TNR: variants seen among roughly 807,000 people sequenced by gnomAD.
TNR encodes tenascin R.
TNR carries 45 observed loss-of-function variants against 150.4 expected under a neutral mutation model. The ratio of observed to expected loss-of-function variants is 0.30; its 90% CI spans 0.24 to 0.38. TNR has a LOEUF of 0.38. Among genes scored for constraint, TNR ranks in the 10% least tolerant of loss-of-function variants. TNR has a pLI of 1.00. For missense variants in TNR, 1,544 were observed against 1,759.1 expected, an observed-to-expected ratio of 0.88 and a Z score of 2.19; for synonymous variants, 687 against 678.4, an observed-to-expected ratio of 1.01 and a Z score of -0.20.
intron 1 of TNR, among the ~76,000 whole-genome samples, chr1:175,672,815 A>G (rs1260932692): frequency 6.6e-6 from 1 of 152,074 alleles, no homozygotes; most frequent in Admixed American, 6.6e-5. Flanking sequence ...GCTTGCATTC[A>G]TATTCCCTTT....
At chr1:175,579,448 G>C (rs560537900) in intron 1 of TNR, among the ~76,000 whole-genome samples, 1 of 152,010 alleles carries the variant, frequency 6.6e-6, no homozygotes, top group Non-Finnish European at 1.5e-5. Flanking sequence ...GGGACTGGCA[G>C]ACCAGGCAGA....
chr1:175,533,997 A>T (rs1161804118), intron 1 of TNR, among the ~76,000 whole-genome samples: 1 of 152,180 alleles, frequency 6.6e-6, no homozygotes, highest in African/African-American at 2.4e-5. Flanking sequence ...GTCAGAAGAC[A>T]TTGCTTTAAG....
chr1:175,386,484 G>C (rs1652939031), intron 7 of TNR, among the ~76,000 whole-genome samples, 183 bp from the exon 8 acceptor site: 1 of 152,168 alleles, frequency 6.6e-6, no homozygotes, highest in African/African-American at 2.4e-5. Flanking sequence ...AGGACATGTA[G>C]TTTGCCTTGA....
At chr1:175,663,330 G>A (rs926714596) in intron 1 of TNR, among the ~76,000 whole-genome samples, 3 of 152,202 alleles carry the variant, frequency 2.0e-5, no homozygotes, top group Non-Finnish European at 4.4e-5. Flanking sequence ...AGGAGTATGA[G>A]GGAGAAGAGA....
In TNR at chr1:175,541,196, C is replaced by T. The variant is rs58002756; in HGVS notation, c.-164-12827G>A. Among the ~76,000 whole-genome samples the T allele has an allele frequency of 9.8e-3, 1,497 of 152,244 alleles. 18 individuals carry two copies. Among genetic ancestry groups the T allele is most frequent in the African/African-American group, 0.033 (1,365 of 41,530 alleles). On this transcript the variant is annotated intron_variant, in intron 1 of 22. Coordinates refer to ENST00000367674, the MANE Select transcript of TNR (RefSeq NM_003285.3). ...CTCCCCTCCTTGTACCATAAACTCT[C>T]GCAATAACATTTTCCAAGTTGTGTT... is the stretch of plus-strand genomic sequence containing the variant.
At chr1:175,639,539 T>C (rs1664588544) in intron 1 of TNR, among the ~76,000 whole-genome samples, 1 of 152,178 alleles carries the variant, frequency 6.6e-6, no homozygotes, top group East Asian at 1.9e-4. Context: ...TAAATTCTTT[T>C]TACCAACCCA....
intron 2 of TNR, among the ~76,000 whole-genome samples, chr1:175,413,599 A>G (rs958942418): frequency 5.9e-5 from 9 of 152,176 alleles, no homozygotes; most frequent in Admixed American, 4.6e-4. Flanking sequence ...CTCTTCCTGT[A>G]TCTCAGATGA....
At chr1:175,656,805 G>A (rs1427939108) in intron 1 of TNR, among the ~76,000 whole-genome samples, 1 of 152,100 alleles carries the variant, frequency 6.6e-6, no homozygotes, top group Non-Finnish European at 1.5e-5. Context: ...TGCATTACAT[G>A]TGGTTGTATG....
At chr1:175,696,225 T>TGTTGTTGTTGTTGTTG (rs751722733) in intron 1 of TNR, among the ~76,000 whole-genome samples, 1 of 131,224 alleles carries the variant, frequency 7.6e-6, no homozygotes, top group African/African-American at 3.0e-5. Context: ...TAGTTTTTTT[T>TGTTGTTGTTGTTGTTG]TTTTTTTTTT....
chr1:175,662,142 G>C (rs182015796), intron 1 of TNR, among the ~76,000 whole-genome samples: 69 of 152,268 alleles, frequency 4.5e-4, no homozygotes, highest in African/African-American at 1.5e-3. Flanking sequence ...ATTCAGGCTT[G>C]CGAATAGTAG....
intron 18 of TNR, among the ~76,000 whole-genome samples, chr1:175,349,833 C>T (rs1012545866): frequency 6.6e-6 from 1 of 152,194 alleles, no homozygotes; most frequent in Non-Finnish European, 1.5e-5. Context: ...TCCTTCTCCA[C>T]AGCCAGGTCC....
At chr1:175,664,066 T>C (rs1170496074) in intron 1 of TNR, among the ~76,000 whole-genome samples, 1 of 152,246 alleles carries the variant, frequency 6.6e-6, no homozygotes, top group Non-Finnish European at 1.5e-5. Flanking sequence ...GCCAGAGACC[T>C]GGTCACTTCT....
intron 1 of TNR, among the ~76,000 whole-genome samples, chr1:175,685,189 C>A (rs1013995529): frequency 2.0e-5 from 3 of 152,144 alleles, no homozygotes; most frequent in African/African-American, 4.8e-5. Flanking sequence ...GATCTTTTCA[C>A]CTTTTTGTCC....
intron 1 of TNR, among the ~76,000 whole-genome samples, chr1:175,621,931 T>A (rs1200533485): frequency 6.6e-6 from 1 of 152,236 alleles, no homozygotes; most frequent in Non-Finnish European, 1.5e-5. Context: ...CTCCACAGCT[T>A]CCTGGCTGAA....
At chr1:175,600,193 G>C (rs1193170758) in intron 1 of TNR, among the ~76,000 whole-genome samples, 1 of 152,092 alleles carries the variant, frequency 6.6e-6, no homozygotes, top group Non-Finnish European at 1.5e-5. Flanking sequence ...GGAGATAATA[G>C]TAATATACCT....
At chr1:175,549,150 A>AG (rs756524969) in intron 1 of TNR, among the ~76,000 whole-genome samples, 2 of 152,248 alleles carry the variant, frequency 1.3e-5, no homozygotes, top group African/African-American at 4.8e-5. Context: ...GGAAGGGAAC[A>AG]GGGGAGCCCA....
chr1:175,389,667 A>AT (rs1481331786), intron 7 of TNR, among the ~76,000 whole-genome samples: 3 of 152,206 alleles, frequency 2.0e-5, no homozygotes, highest in African/African-American at 7.2e-5. Context: ...GATTAAATAA[A>AT]TTTGTTACGC....
At chr1:175,687,560 T>G (rs1442635748) in intron 1 of TNR, among the ~76,000 whole-genome samples, 3 of 152,148 alleles carry the variant, frequency 2.0e-5, no homozygotes, top group Non-Finnish European at 4.4e-5. Flanking sequence ...CCAGCTTACT[T>G]CTTCCCCATT....
intron 1 of TNR, among the ~76,000 whole-genome samples, chr1:175,706,166 A>T (rs576991001): frequency 6.6e-6 from 1 of 152,366 alleles, no homozygotes; most frequent in Non-Finnish European, 1.5e-5. Context: ...AACTCATTCC[A>T]TAAAGTCCAC....
Sources: gnomAD v4.1 joint callset for allele counts (sites outside exome capture counted in the v4.1 genomes callset) on GRCh38, gnomAD v4.1.1 for gene constraint, MANE v1.5 for transcripts, NCBI Gene and HGNC (gene_info 2026-07-23, HGNC 2026-07-21) for gene names.